NCAM1: variants seen among roughly 807,000 people sequenced by gnomAD.
NCAM1 encodes the protein neural cell adhesion molecule 1.
In NCAM1, 14 loss-of-function variants were observed where a neutral mutation model predicts 109.8. That is an observed-to-expected ratio of 0.13 (90% CI 0.08 to 0.20). The LOEUF (loss-of-function observed/expected upper bound fraction) is 0.20, where lower values mean the gene tolerates loss of function less well. Among genes scored for constraint, NCAM1 ranks in the 10% least tolerant of loss-of-function variants. NCAM1 has a pLI of 1.00. For missense variants in NCAM1, 774 were observed against 1,109.9 expected (o/e 0.70, Z 4.30); for synonymous variants, 418 against 442.9 (o/e 0.94, Z 0.70).
chr11:113,050,139 G>A (rs1215812850), intron 1 of NCAM1, among the ~76,000 whole-genome samples: 8 of 133,682 alleles, frequency 6.0e-5, no homozygotes, highest in African/African-American at 1.9e-4. Context: ...GAAACAGAGG[G>A]TGGGGGGGAA....
intron 1 of NCAM1, among the ~76,000 whole-genome samples, chr11:113,114,743 G>A (rs1200194286): frequency 2.0e-5 from 3 of 152,128 alleles, no homozygotes; most frequent in African/African-American, 7.2e-5. Context: ...TTTCTATTTT[G>A]CAGTCATAAC....
At chr11:113,026,497 G>A (rs1952550727) in intron 1 of NCAM1, among the ~76,000 whole-genome samples, 1 of 152,202 alleles carries the variant, frequency 6.6e-6, no homozygotes, top group South Asian at 2.1e-4. Context: ...CCTTCTTCTT[G>A]AGCTAGTGGC....
At chr11:113,171,702 C>G (rs1942999679) in intron 1 of NCAM1, among the ~76,000 whole-genome samples, 1 of 152,090 alleles carries the variant, frequency 6.6e-6, no homozygotes, top group Non-Finnish European at 1.5e-5. Context: ...CCTCTTGAAG[C>G]TAACAATGAA....
chr11:113,127,198 C>G (rs1265562614), intron 1 of NCAM1, among the ~76,000 whole-genome samples: 3 of 152,192 alleles, frequency 2.0e-5, no homozygotes, highest in Non-Finnish European at 4.4e-5. Context: ...GGGCTCTACC[C>G]CAGAATCTCC....
chr11:113,099,459 C>T (rs139021857), intron 1 of NCAM1, among the ~76,000 whole-genome samples: 45 of 152,254 alleles, frequency 3.0e-4, no homozygotes, highest in Non-Finnish European at 5.3e-4. Flanking sequence ...CATATGCTTT[C>T]CTGGACCAGT....
intron 1 of NCAM1, among the ~76,000 whole-genome samples, chr11:113,165,872 G>A (rs540315008): frequency 1.3e-5 from 2 of 151,958 alleles, no homozygotes; most frequent in East Asian, 1.9e-4. Context: ...GAGTGCAGTG[G>A]CGTGATCTCG....
chr11:112,985,266 TGCC>T (rs1951268829), intron 1 of NCAM1, among the ~76,000 whole-genome samples: 1 of 151,570 alleles, frequency 6.6e-6, no homozygotes. Flanking sequence ...TTTTTTTTTT[TGCC>T]AGTACCATAC....
chr11:113,101,447 C>T (rs1794475322), intron 1 of NCAM1, among the ~76,000 whole-genome samples: 1 of 152,140 alleles, frequency 6.6e-6, no homozygotes, highest in Admixed American at 6.5e-5. Context: ...CCATATTTAA[C>T]TTTGCTCTTC....
chr11:113,192,536 C>T (rs1943714129), intron 1 of NCAM1, among the ~76,000 whole-genome samples: 3 of 152,192 alleles, frequency 2.0e-5, no homozygotes, highest in Non-Finnish European at 2.9e-5. Flanking sequence ...GCAGAGCACA[C>T]ACCATTTGTC....
intron 1 of NCAM1, among the ~76,000 whole-genome samples, chr11:113,104,796 G>C (rs1385969714): frequency 1.3e-5 from 2 of 152,298 alleles, no homozygotes; most frequent in East Asian, 3.9e-4. Flanking sequence ...AGAAGTTAAT[G>C]TATAACCTCT....
At chr11:113,089,585 C>T (rs1380601075) in intron 1 of NCAM1, among the ~76,000 whole-genome samples, 3 of 152,034 alleles carry the variant, frequency 2.0e-5, no homozygotes, top group Admixed American at 6.6e-5. Flanking sequence ...CACACAGCAC[C>T]GTGCCTGGCT....
intron 1 of NCAM1, among the ~76,000 whole-genome samples, chr11:113,191,374 T>C (rs1943669078): frequency 6.6e-6 from 1 of 152,242 alleles, no homozygotes; most frequent in Admixed American, 6.5e-5. Flanking sequence ...CTGAATCATA[T>C]AGCTCCTAGG....
At chr11:113,166,854 C>T (rs2136413226) in intron 1 of NCAM1, among the ~76,000 whole-genome samples, 1 of 152,254 alleles carries the variant, frequency 6.6e-6, no homozygotes, top group African/African-American at 2.4e-5. Context: ...AAATGAAATA[C>T]AAATATAATC....
chr11:113,036,329 G>A (rs896920857), intron 1 of NCAM1, among the ~76,000 whole-genome samples: 6 of 151,936 alleles, frequency 3.9e-5, no homozygotes, highest in South Asian at 2.1e-4. Context: ...CAGGCTGGAC[G>A]CAGCAGCCCT....
chr11:113,247,479 G>A (rs1304415723), intron 15 of NCAM1, among the ~76,000 whole-genome samples: 1 of 152,124 alleles, frequency 6.6e-6, no homozygotes, highest in East Asian at 1.9e-4. Flanking sequence ...TTCCCGGTCT[G>A]CTCTTGTGTT....
At chr11:113,193,534 T>A (rs1943753021) in intron 1 of NCAM1, among the ~76,000 whole-genome samples, 1 of 152,098 alleles carries the variant, frequency 6.6e-6, no homozygotes, top group Non-Finnish European at 1.5e-5. Context: ...GGGCCTGTAA[T>A]CTCAGCTACT....
At chr11:112,965,891 G>C (rs1555065196) in intron 1 of NCAM1, among the ~76,000 whole-genome samples, 1 of 152,090 alleles carries the variant, frequency 6.6e-6, no homozygotes, top group African/African-American at 2.4e-5. Flanking sequence ...TTGTGATGGA[G>C]AGCAGAACCA....
intron 1 of NCAM1, among the ~76,000 whole-genome samples, chr11:113,118,663 GA>G (rs1447056223): frequency 2.0e-5 from 3 of 151,818 alleles, no homozygotes; most frequent in African/African-American, 7.3e-5. Context: ...GAGGTGTCCA[GA>G]AAAAAAGTTT....
In NCAM1 at chr11:113,234,893, T is replaced by C. The variant is rs145322754; in HGVS notation, c.1694-140T>C. 569 of 1,132,146 alleles carry C rather than the reference T, an allele frequency of 5.0e-4. 1 individual carries two copies. The Middle Eastern group carries it at 7.5e-3, about 15-fold the overall frequency. 70.1% of individuals were successfully genotyped at this position (1,132,146 alleles called of 1,614,324 possible). ...TGTTTGGTCCCGACTTTCAATTCTA[T>C]GCATATGCCCAGAAATAGAATTGCT... On this transcript the variant is annotated intron_variant, in intron 13 of 19. Coordinates refer to ENST00000316851, the MANE Select transcript of NCAM1 (RefSeq NM_181351.5).
Sources: allele counts gnomAD v4.1 joint callset (sites outside exome capture counted in the v4.1 genomes callset), GRCh38; gene constraint gnomAD v4.1.1; transcripts MANE v1.5; gene names NCBI Gene and HGNC (gene_info 2026-07-23, HGNC 2026-07-21).